NUGGC: variants seen among roughly 807,000 people sequenced by gnomAD.
The protein encoded by NUGGC is nuclear GTPase, germinal center associated.
NUGGC carries 58 observed loss-of-function variants against 92.6 expected under a neutral mutation model. The ratio of observed to expected loss-of-function variants is 0.63; its 90% CI spans 0.51 to 0.78. The LOEUF (loss-of-function observed/expected upper bound fraction) is 0.78, where lower values mean the gene tolerates loss of function less well. Ranked by LOEUF, NUGGC falls within the 30% of genes least tolerant of loss-of-function variation. The probability of loss-of-function intolerance (pLI) is 0.00; values close to 1 mark genes in which losing one functional copy is unlikely to be tolerated. For missense variants in NUGGC, 925 were observed against 964.6 expected (o/e 0.96, Z 0.54); for synonymous variants, 376 against 366.4 (o/e 1.03, Z -0.30).
rs1229858225 is a variant in NUGGC at position 28,033,588 on chromosome 8, G to A, written c.1721C>T (p.Thr574Ile). The A allele has an allele frequency of 6.2e-7, 1 of 1,614,024 alleles. No homozygotes were observed. Among genetic ancestry groups the A allele is most frequent in the Non-Finnish European group, 8.5e-7 (1 of 1,179,890 alleles). The change falls in exon 14 of 19, where the codon ACT (threonine) becomes ATT (isoleucine). Residue 574 changes from threonine to isoleucine, a missense_variant. Physicochemically the swap from Thr to Ile is moderately conservative, Grantham distance 89. Coordinates refer to ENST00000413272, the MANE Select transcript of NUGGC (RefSeq NM_001010906.2). Reference sequence around the variant, plus strand: ...GTCGATCTGGTCATAGACGGGCTGAGTGAGGGCTTCATTTAGATCAATTCT... The same window carrying A: ...GTCGATCTGGTCATAGACGGGCTGAATGAGGGCTTCATTTAGATCAATTCT... ...LARIDLNEAL[T>I]QPVYDQIDPV...
At chr8:28,052,669 C>T (rs1810036163) in intron 10 of NUGGC, among the ~76,000 whole-genome samples, 1 of 152,188 alleles carries the variant, frequency 6.6e-6, no homozygotes, top group African/African-American at 2.4e-5. Context: ...GCCTCCAGAA[C>T]TGGGAGATAA....
intron 13 of NUGGC, among the ~76,000 whole-genome samples, chr8:28,037,330 C>G (rs1440969314): frequency 1.3e-5 from 2 of 152,162 alleles, no homozygotes; most frequent in East Asian, 3.9e-4. Context: ...AAAACTCTGC[C>G]CTGTGTACTT....
chr8:28,031,091 C>G (rs138224837), intron 15 of NUGGC, among the ~76,000 whole-genome samples, 152 bp downstream of exon 15: 2 of 152,318 alleles, frequency 1.3e-5, no homozygotes, highest in African/African-American at 4.8e-5. Flanking sequence ...CCACATCCCA[C>G]TGGGTTCTGT....
chr8:28,057,653 G>A (rs2130194923), intron 9 of NUGGC, among the ~76,000 whole-genome samples: 1 of 152,134 alleles, frequency 6.6e-6, no homozygotes, highest in South Asian at 2.1e-4. Flanking sequence ...TTTTCTTAAT[G>A]ACATTTTCTT....
chr8:28,049,597 G>C (rs1186341779), intron 10 of NUGGC, among the ~76,000 whole-genome samples: 3 of 152,166 alleles, frequency 2.0e-5, no homozygotes, highest in Non-Finnish European at 4.4e-5. Context: ...TCATATTATT[G>C]TAAAAGAGAA....
chr8:28,030,363 A>C lies in NUGGC; in HGVS notation c.1964T>G (p.Ile655Ser). The C allele has an allele frequency of 6.3e-7, 1 of 1,582,922 alleles. No homozygotes were observed. The highest frequency in any genetic ancestry group is 1.7e-4 in the Middle Eastern group (1 of 6,032). ...GACAGAGGCAGTGAGGGACTCGTAG[A>C]TCCTCCTCTTCCTTCTGAGGATGTG... ...EDHILRRKRR[I>S]YESLTASVQS... Residue 655 changes from isoleucine (I) to serine (S), a missense_variant, in exon 16 of 19, where the codon ATC becomes AGC. Physicochemically the swap from Ile to Ser is moderately radical, Grantham distance 142 (BLOSUM62 -2). Transcript: ENST00000413272.
chr8:28,036,178 C>T (rs1028411316), intron 13 of NUGGC, among the ~76,000 whole-genome samples: 3 of 152,180 alleles, frequency 2.0e-5, no homozygotes, highest in African/African-American at 7.2e-5. Flanking sequence ...TCAGCCTTAA[C>T]AAACTTTATT....
At chr8:28,072,625 A>G (rs1209738284) in intron 2 of NUGGC, among the ~76,000 whole-genome samples, 2 of 152,202 alleles carry the variant, frequency 1.3e-5, no homozygotes, top group East Asian at 1.9e-4. Flanking sequence ...TTTCTCAACT[A>G]AAGCAAATGC....
intron 2 of NUGGC, among the ~76,000 whole-genome samples, chr8:28,071,127 A>C (rs2130261695): frequency 6.6e-6 from 1 of 152,188 alleles, no homozygotes; most frequent in East Asian, 1.9e-4. Flanking sequence ...TTTAGTTCCA[A>C]AATGTAGAGT....
chr8:28,081,684 C>T (rs1383667474), intron 1 of NUGGC, among the ~76,000 whole-genome samples: 2 of 152,148 alleles, frequency 1.3e-5, no homozygotes, highest in Non-Finnish European at 2.9e-5. Flanking sequence ...TGAGACCATC[C>T]TGGCTAACTC....
chr8:28,033,718 T>A (rs758451567), intron 13 of NUGGC, 21 bp from the exon 14 acceptor site: 8 of 1,610,660 alleles, frequency 5.0e-6, no homozygotes, highest in Admixed American at 1.7e-5. Flanking sequence ...AACAATAAAT[T>A]AGCAGAGTTA....
chr8:28,057,499 G>C (rs1216605825), intron 9 of NUGGC, among the ~76,000 whole-genome samples: 1 of 151,734 alleles, frequency 6.6e-6, no homozygotes, highest in Non-Finnish European at 1.5e-5. Context: ...ATTCCACCAG[G>C]CCCAGCTAAT....
At chr8:28,073,457 T>C (rs527935305) in intron 2 of NUGGC, among the ~76,000 whole-genome samples, 7 of 152,270 alleles carry the variant, frequency 4.6e-5, no homozygotes, top group South Asian at 4.1e-4. Flanking sequence ...CCAGAAACAC[T>C]GCTGCACTTT....
At chr8:28,023,980 G>A (rs935833528) in intron 18 of NUGGC, among the ~76,000 whole-genome samples, 1 of 152,098 alleles carries the variant, frequency 6.6e-6, no homozygotes, top group African/African-American at 2.4e-5. Context: ...GCCTCTGGGA[G>A]GGTGTTTTTG....
In NUGGC at chr8:28,068,200, G is replaced by A. The variant is rs576659076; in HGVS notation, c.480+16C>T. The A allele has an allele frequency of 3.9e-5, 57 of 1,443,174 alleles. No homozygotes were observed. In the East Asian group the frequency reaches 9.3e-4, roughly 23 times the overall value. The allele number at this position is 1,443,174 out of a possible 1,614,324, so 89.4% of individuals were successfully genotyped here. A position where few individuals can be genotyped will look rare whatever the true frequency, so the allele number is the denominator to read the frequency against. ...AGGAAGGAAGGGAAGGAAGGAGGGA[G>A]GAAGGGAACACTTACCTGGTCAGAC... On this transcript the variant is annotated intron_variant, in intron 5 of 18. Coordinates refer to ENST00000413272, the MANE Select transcript of NUGGC (RefSeq NM_001010906.2).
chr8:28,035,058 C>T (rs1809520124), intron 13 of NUGGC, among the ~76,000 whole-genome samples: 1 of 152,156 alleles, frequency 6.6e-6, no homozygotes, highest in African/African-American at 2.4e-5. Context: ...CATTAAAGGG[C>T]TGATGAGATG....
At chr8:28,045,821 T>TTCCCATG (rs1324023135) in intron 11 of NUGGC, among the ~76,000 whole-genome samples, 161 bp from the exon 12 acceptor site, 1 of 152,212 alleles carries the variant, frequency 6.6e-6, no homozygotes, top group Non-Finnish European at 1.5e-5. Context: ...AAAAGCACTT[T>TTCCCATG]TCCCATGTCT....
In NUGGC at chr8:28,074,420, C is replaced by A. The variant is rs758531764; in HGVS notation, c.-10G>T. On this transcript the variant is annotated 5_prime_UTR_variant, in exon 2 of 19. Coordinates refer to ENST00000413272, the MANE Select transcript of NUGGC (RefSeq NM_001010906.2). ...CCTTCGTTTCTGCCATTCCTTGTTA[C>A]GTGAACTCCTGCTCTTCTCAGTTCA... 3.7e-6 allele frequency: 6 copies of A among 1,613,570 alleles called. No homozygotes were observed. In the East Asian group the frequency reaches 1.3e-4, roughly 36 times the overall value.
intron 12 of NUGGC, among the ~76,000 whole-genome samples, chr8:28,043,953 A>G (rs1462079643): frequency 6.6e-6 from 1 of 152,214 alleles, no homozygotes; most frequent in Non-Finnish European, 1.5e-5. Context: ...AACTAGACCA[A>G]AACAAGTCAT....
Sources: gnomAD v4.1 joint callset for allele counts (sites outside exome capture counted in the v4.1 genomes callset) on GRCh38, gnomAD v4.1.1 for gene constraint, MANE v1.5 for transcripts, NCBI Gene and HGNC (gene_info 2026-07-23, HGNC 2026-07-21) for gene names.